ERICH1: variants seen among roughly 807,000 people sequenced by gnomAD.
The protein encoded by ERICH1 is glutamate rich 1, also known as glutamate-rich protein 1.
A neutral mutation model predicts 39.6 loss-of-function variants in ERICH1; 56 were observed. The observed-to-expected ratio is 1.41, with a 90% CI of 1.14 to 1.77. The LOEUF (loss-of-function observed/expected upper bound fraction) is 1.77, where lower values mean the gene tolerates loss of function less well. ERICH1 is among the 40% of genes most tolerant of loss of function. The probability of loss-of-function intolerance (pLI) is 0.00; values close to 1 mark genes in which losing one functional copy is unlikely to be tolerated. For synonymous variants in ERICH1, 313 were observed against 223.6 expected, an observed-to-expected ratio of 1.40 and a Z score of -3.57; for missense variants, 826 against 575.4, an observed-to-expected ratio of 1.44 and a Z score of -4.45.
At chr8:700,013 GCACACGCGCACAGACCCT>G (rs1811513670) in intron 2 of ERICH1, among the ~76,000 whole-genome samples, 1 of 124,424 alleles carries the variant, frequency 8.0e-6, no homozygotes, top group African/African-American at 3.4e-5. Context: ...GCACAGACCC[GCACACGCGCACAGACCCT>G]CACAGGCGCA....
At chr8:664,697 A>T (rs1801924864) in intron 5 of ERICH1, 21 bp from the exon 6 acceptor site, 1 of 1,570,908 alleles carries the variant, frequency 6.4e-7, no homozygotes, top group Non-Finnish European at 8.7e-7. Flanking sequence ...AAAAACACAA[A>T]ACAAAAAATA....
At chr8:623,601 A>C (rs947769129) in intron 3 of ERICH1, among the ~76,000 whole-genome samples, 1 of 152,096 alleles carries the variant, frequency 6.6e-6, no homozygotes, top group Middle Eastern at 3.2e-3. Context: ...ACCACAATAA[A>C]GCTAATCAGC....
At chr8:652,370 G>C (rs1025237102) in intron 3 of ERICH1, among the ~76,000 whole-genome samples, 2 of 152,204 alleles carry the variant, frequency 1.3e-5, no homozygotes, top group East Asian at 3.8e-4. Flanking sequence ...ACACAGGCTC[G>C]CAACCAAATG....
At chr8:719,370 G>A (rs1816769909) in intron 1 of ERICH1, among the ~76,000 whole-genome samples, 2 of 152,226 alleles carry the variant, frequency 1.3e-5, no homozygotes, top group African/African-American at 4.8e-5. Flanking sequence ...TGGAACTGCA[G>A]TAACTTGGGT....
intron 3 of ERICH1, among the ~76,000 whole-genome samples, chr8:676,839 TGGAGTTTTCTGA>T (rs1270256068): frequency 6.6e-5 from 10 of 152,252 alleles, no homozygotes; most frequent in Non-Finnish European, 1.5e-5. Context: ...AAGCGCCTGT[TGGAGTTTTCTGA>T]GCTGTGCACC....
rs146222903 is a variant in ERICH1, at chr8:724,983, T to A, written c.22+6157A>T. On this transcript the variant is annotated intron_variant, in intron 1 of 5. Transcript: ENST00000262109. ...GCGCCAGCCACGAAGGACCATGTGG[T>A]CCTTTTCGGGTGCTGTGGTTTCTCG... Among the ~76,000 whole-genome samples the A allele has an allele frequency of 2.6e-5, 4 of 152,278 alleles. No homozygotes were observed. The East Asian group carries it at 5.8e-4, about 22-fold the overall frequency.
chr8:708,539 C>CG (rs1813828080), intron 2 of ERICH1, among the ~76,000 whole-genome samples: 1 of 152,042 alleles, frequency 6.6e-6, no homozygotes, highest in African/African-American at 2.4e-5. Flanking sequence ...CATGAAAAAA[C>CG]CCAGACACAA....
At chr8:657,262 C>G (rs1258815639) in intron 3 of ERICH1, among the ~76,000 whole-genome samples, 1 of 152,130 alleles carries the variant, frequency 6.6e-6, no homozygotes, top group Non-Finnish European at 1.5e-5. Context: ...GGTCAGGAGC[C>G]TTTTCTCTTG....
At chr8:621,991 G>A (rs561652294) in intron 3 of ERICH1, among the ~76,000 whole-genome samples, 4 of 152,176 alleles carry the variant, frequency 2.6e-5, no homozygotes, top group South Asian at 2.1e-4. Flanking sequence ...AAGGCATGAC[G>A]ATCCCTTGAG....
At chr8:686,570 G>A (rs904620477) in intron 3 of ERICH1, 1 of 152,202 alleles carries the variant, frequency 6.6e-6, no homozygotes, top group Non-Finnish European at 1.5e-5. Flanking sequence ...TATTCTCATT[G>A]GCTTCATTAA....
chr8:725,529 T>G (rs1818401948), intron 1 of ERICH1: 1 of 152,522 alleles, frequency 6.6e-6, no homozygotes, highest in South Asian at 2.1e-4. Flanking sequence ...ACATTGGGCA[T>G]CCACCACCTC....
chr8:674,287 A>C (rs1329009967), intron 3 of ERICH1, among the ~76,000 whole-genome samples: 1 of 145,252 alleles, frequency 6.9e-6, no homozygotes, highest in Non-Finnish European at 1.5e-5. Flanking sequence ...AAGGATGTAC[A>C]AGTTGTTGCT....
chr8:627,419 C>T (rs1269334098), intron 3 of ERICH1, among the ~76,000 whole-genome samples: 1 of 152,238 alleles, frequency 6.6e-6, no homozygotes, highest in Admixed American at 6.5e-5. Context: ...CAAACTCTCA[C>T]TGCCCCTCTC....
chr8:635,882 T>G (rs902332771), intron 3 of ERICH1, among the ~76,000 whole-genome samples: 1 of 152,228 alleles, frequency 6.6e-6, no homozygotes, highest in African/African-American at 2.4e-5. Context: ...CAGCAGGTCC[T>G]TCAAAGGTTC....
chr8:703,959 G>C (rs1308235993), intron 2 of ERICH1, among the ~76,000 whole-genome samples: 2 of 152,152 alleles, frequency 1.3e-5, no homozygotes, highest in Admixed American at 6.5e-5. Flanking sequence ...TCAGCATCAG[G>C]CTGCACCCAC....
At chr8:655,079 C>A (rs1346095093) in intron 3 of ERICH1, among the ~76,000 whole-genome samples, 1 of 152,186 alleles carries the variant, frequency 6.6e-6, no homozygotes, top group Non-Finnish European at 1.5e-5. Flanking sequence ...AAAAGGAAAA[C>A]CAACCCCGAG....
intron 3 of ERICH1, among the ~76,000 whole-genome samples, 179 bp downstream of exon 3, chr8:692,299 C>G (rs1378573449): frequency 1.3e-5 from 2 of 152,200 alleles, no homozygotes; most frequent in Non-Finnish European, 2.9e-5. Context: ...GTCTTTTAAG[C>G]ATCACTTTTC....
At chr8:642,682 T>A (rs1332060643) in intron 3 of ERICH1, among the ~76,000 whole-genome samples, 1 of 152,104 alleles carries the variant, frequency 6.6e-6, no homozygotes, top group African/African-American at 2.4e-5. Context: ...GCACGTCTGT[T>A]ATGAGGTCTT....
At chr8:698,322 G>A (rs951802513) in intron 2 of ERICH1, among the ~76,000 whole-genome samples, 1 of 151,374 alleles carries the variant, frequency 6.6e-6, no homozygotes, top group Admixed American at 6.6e-5. Flanking sequence ...AGGTTCCAGC[G>A]ACTCTCATTC....
Sources: allele counts gnomAD v4.1 joint callset (sites outside exome capture counted in the v4.1 genomes callset), GRCh38; gene constraint gnomAD v4.1.1; transcripts MANE v1.5; gene names NCBI Gene and HGNC (gene_info 2026-07-23, HGNC 2026-07-21).